The following CCDC91 variants were observed in gnomAD, a reference collection of about 807,000 sequenced individuals.
CCDC91 encodes coiled-coil domain containing 91.
A neutral mutation model predicts 63.2 loss-of-function variants in CCDC91; 48 were observed. The ratio of observed to expected loss-of-function variants is 0.76; its 90% CI spans 0.60 to 0.97. The LOEUF is 0.97. Ranked by LOEUF, CCDC91 falls within the 50% of genes least tolerant of loss-of-function variation. The pLI is 0.00. For missense variants in CCDC91, 500 were observed against 494.6 expected (o/e 1.01, Z -0.10); for synonymous variants, 167 against 165.8 (o/e 1.01, Z -0.06).
At chr12:28,526,287 C>T (rs1413671336) in intron 12 of CCDC91, among the ~76,000 whole-genome samples, 1 of 151,796 alleles carries the variant, frequency 6.6e-6, no homozygotes, top group African/African-American at 2.4e-5. Flanking sequence ...TCTTGTAGTG[C>T]TGGCTTGGTA....
intron 3 of CCDC91, among the ~76,000 whole-genome samples, chr12:28,279,779 A>G (rs943811751): frequency 1.1e-4 from 16 of 152,072 alleles, no homozygotes; most frequent in Non-Finnish European, 2.1e-4. Flanking sequence ...AGAATATTAC[A>G]TGAAAAAATG....
intron 11 of CCDC91, among the ~76,000 whole-genome samples, chr12:28,460,829 A>G (rs1566009949): frequency 6.6e-6 from 1 of 151,820 alleles, no homozygotes; most frequent in Non-Finnish European, 1.5e-5. Flanking sequence ...ATATTTTTTA[A>G]CTTAGCTGGA....
chr12:28,545,747 G>A (rs1429406659), intron 12 of CCDC91, among the ~76,000 whole-genome samples: 1 of 152,026 alleles, frequency 6.6e-6, no homozygotes, highest in Non-Finnish European at 1.5e-5. Context: ...CGTGTGGTGT[G>A]TTTAAACAGA....
chr12:28,467,064 A>C (rs1950581255), intron 11 of CCDC91, among the ~76,000 whole-genome samples: 1 of 152,114 alleles, frequency 6.6e-6, no homozygotes, highest in Admixed American at 6.5e-5. Flanking sequence ...TAGCAAGAAG[A>C]GGAGACTACA....
chr12:28,306,788 T>C lies in CCDC91; in HGVS notation c.314T>C (p.Leu105Ser). 1 of 1,612,000 alleles carries C rather than the reference T, an allele frequency of 6.2e-7. No individual in the cohort carries two copies. The highest frequency in any genetic ancestry group is 8.5e-7 in the Non-Finnish European group (1 of 1,178,636). Residue 105 changes from leucine (L) to serine (S), a missense_variant, in exon 5 of 13, where the codon TTG becomes TCG. Transcript: ENST00000536442. The stretch of plus-strand genomic sequence containing the variant: ...CATCTGGATATCTCACTTTTTCCAT[T>C]GGGTTTAACTGATGAAAAAAGTAAT... ...HTHLDISLFP[L>S]GLTDEKSNGT...
chr12:28,357,790 T>C lies in CCDC91; in HGVS notation c.577-4648T>C, dbSNP rs189458578. Among the ~76,000 whole-genome samples the C allele has an allele frequency of 1.3e-3, 196 of 152,226 alleles. 2 individuals carry two copies. The highest frequency in any genetic ancestry group is 4.6e-3 in the African/African-American group (191 of 41,552). On this transcript the variant is annotated intron_variant, in intron 6 of 12. Coordinates refer to ENST00000536442, the MANE Select transcript of CCDC91 (RefSeq NM_018318.5). ...ATATTGGAATAGTTTACTTTTGAAG[T>C]CTTTTTTTGCTTAAAAAATCCACAG... is the stretch of plus-strand genomic sequence containing the variant.
chr12:28,364,258 C>T (rs895499960), intron 7 of CCDC91, among the ~76,000 whole-genome samples: 5 of 151,828 alleles, frequency 3.3e-5, no homozygotes, highest in Admixed American at 1.3e-4. Context: ...TGGTGGTGCA[C>T]ACCTGTAATC....
At chr12:28,528,882 CTA>C (rs1941505032) in intron 12 of CCDC91, among the ~76,000 whole-genome samples, 2 of 152,006 alleles carry the variant, frequency 1.3e-5, no homozygotes, top group Non-Finnish European at 2.9e-5. Context: ...GTTAAATGAA[CTA>C]TGTTACTGTG....
chr12:28,528,153 C>T (rs1456333274), intron 12 of CCDC91, among the ~76,000 whole-genome samples: 1 of 152,186 alleles, frequency 6.6e-6, no homozygotes, highest in African/African-American at 2.4e-5. Flanking sequence ...TGCAAAGTTC[C>T]ACTGGAGGTT....
At chr12:28,349,774 C>T (rs1041406487) in intron 6 of CCDC91, among the ~76,000 whole-genome samples, 17 of 152,138 alleles carry the variant, frequency 1.1e-4, no homozygotes, top group African/African-American at 3.4e-4. Context: ...CTCATCTGTG[C>T]CTAACGTTCC....
intron 1 of CCDC91, among the ~76,000 whole-genome samples, chr12:28,238,186 G>A (rs998472824): frequency 2.6e-5 from 4 of 152,162 alleles, no homozygotes; most frequent in African/African-American, 9.7e-5. Flanking sequence ...AAAGGACAGA[G>A]TTGATATCTG....
At position 28,533,754 on chromosome 12, in the gene CCDC91, A is replaced by C. The variant is rs906154554; in HGVS notation, c.1216-15309A>C. On this transcript the variant is annotated intron_variant, in intron 12 of 12. Coordinates refer to ENST00000536442, the MANE Select transcript of CCDC91 (RefSeq NM_018318.5). ...CTTCTCCCTTGCCTTTTTAGAATAA[A>C]ATAACAGAATAATGAGAACCAGATT... is the stretch of plus-strand genomic sequence containing the variant. 3.3e-4 allele frequency among the ~76,000 whole-genome samples: 50 copies of C among 152,026 alleles called. 3 individuals carry two copies. Among genetic ancestry groups the C allele is most frequent in the Non-Finnish European group, 5.9e-5 (4 of 67,924 alleles).
chr12:28,527,627 G>GA (rs1273515200), intron 12 of CCDC91, among the ~76,000 whole-genome samples: 5 of 152,100 alleles, frequency 3.3e-5, no homozygotes, highest in African/African-American at 1.2e-4. Flanking sequence ...GGAGTATGGG[G>GA]GGGGAACATT....
intron 12 of CCDC91, among the ~76,000 whole-genome samples, chr12:28,538,725 A>G (rs188719765): frequency 2.8e-4 from 43 of 152,316 alleles, no homozygotes; most frequent in Middle Eastern, 3.4e-3. Context: ...TCCCACCAAC[A>G]GTGTAAAAGT....
At chr12:28,314,075 A>G (rs1939598104) in intron 6 of CCDC91, among the ~76,000 whole-genome samples, 1 of 151,956 alleles carries the variant, frequency 6.6e-6, no homozygotes, top group Non-Finnish European at 1.5e-5. Flanking sequence ...AACTTTGGGA[A>G]TTTTTTGTGT....
intron 8 of CCDC91, among the ~76,000 whole-genome samples, chr12:28,395,705 C>T (rs1378016950): frequency 6.6e-6 from 1 of 152,066 alleles, no homozygotes; most frequent in East Asian, 1.9e-4. Context: ...AGCATGGGGG[C>T]TATCATCAGA....
At chr12:28,502,342 A>G (rs1166755818) in intron 12 of CCDC91, among the ~76,000 whole-genome samples, 1 of 152,030 alleles carries the variant, frequency 6.6e-6, no homozygotes, top group Admixed American at 6.6e-5. Flanking sequence ...ATTTCTTCAA[A>G]GAGAATAAAG....
chr12:28,341,156 T>A (rs1250973471), intron 6 of CCDC91, among the ~76,000 whole-genome samples: 8 of 152,174 alleles, frequency 5.3e-5, no homozygotes, highest in Non-Finnish European at 8.8e-5. Context: ...CCACTACATC[T>A]TCTTCTGCTG....
intron 1 of CCDC91, among the ~76,000 whole-genome samples, chr12:28,208,333 T>G (rs1348291628): frequency 6.6e-6 from 1 of 152,258 alleles, no homozygotes; most frequent in East Asian, 1.9e-4. Context: ...TTAATTATGA[T>G]TGATAGCATA....
Sources: allele counts gnomAD v4.1 joint callset (sites outside exome capture counted in the v4.1 genomes callset), GRCh38; gene constraint gnomAD v4.1.1; transcripts MANE v1.5; gene names NCBI Gene and HGNC (gene_info 2026-07-23, HGNC 2026-07-21).